TEAD1: variants seen among roughly 807,000 people sequenced by gnomAD.
TEAD1 encodes TEA domain transcription factor 1, also known as transcriptional enhancer factor TEF-1.
TEAD1 carries 9 observed loss-of-function variants against 54.9 expected under a neutral mutation model. The observed-to-expected ratio is 0.16, with a 90% confidence interval of 0.10 to 0.29. The LOEUF is 0.29. Among genes scored for constraint, TEAD1 ranks in the 10% least tolerant of loss-of-function variants. The pLI is 1.00. For synonymous variants in TEAD1, 200 were observed against 187.8 expected, an observed-to-expected ratio of 1.07 and a Z score of -0.53; for missense variants, 387 against 535.9, an observed-to-expected ratio of 0.72 and a Z score of 2.74.
intron 10 of TEAD1, among the ~76,000 whole-genome samples, chr11:12,914,406 C>A (rs527978618): frequency 6.6e-6 from 1 of 152,202 alleles, no homozygotes; most frequent in Non-Finnish European, 1.5e-5. Context: ...TTATTTAAAA[C>A]AGCTGTGGCA....
intron 3 of TEAD1, among the ~76,000 whole-genome samples, chr11:12,798,602 A>G (rs1259342389): frequency 1.3e-5 from 2 of 152,208 alleles, no homozygotes; most frequent in East Asian, 1.9e-4. Flanking sequence ...CGTGGTGGGT[A>G]TGTTTATTTA....
intron 2 of TEAD1, among the ~76,000 whole-genome samples, chr11:12,758,698 G>A (rs1590121617): frequency 1.3e-5 from 2 of 151,968 alleles, no homozygotes; most frequent in East Asian, 1.9e-4. Flanking sequence ...ACAGGCGTGG[G>A]CCACCCTACC....
intron 3 of TEAD1, among the ~76,000 whole-genome samples, chr11:12,832,205 T>C (rs919521083): frequency 2.0e-5 from 3 of 152,238 alleles, no homozygotes; most frequent in Non-Finnish European, 2.9e-5. Flanking sequence ...ATTTGTATCT[T>C]CATAATTTGG....
chr11:12,738,566 G>C (rs1040199651), intron 2 of TEAD1, among the ~76,000 whole-genome samples: 1 of 152,184 alleles, frequency 6.6e-6, no homozygotes, highest in African/African-American at 2.4e-5. Context: ...CTCTGTACAT[G>C]TGTAGATTCT....
chr11:12,847,454 G>A lies in TEAD1; in HGVS notation c.203-14796G>A, dbSNP rs568642457. Among the ~76,000 whole-genome samples, 29 of 142,790 alleles carry A rather than the reference G, an allele frequency of 2.0e-4. No homozygotes were observed. In the Admixed American group the frequency reaches 2.1e-3, roughly 10 times the overall value. 93.7% of individuals were successfully genotyped at this position (142,790 alleles called of 152,430 possible). On this transcript the variant is annotated intron_variant, in intron 3 of 12. Transcript: ENST00000527636. ...AGGAAGTGCCAGCTGCAGAGGCCTG[G>A]CAGCTCAGGAATCATTCATTGTTCA...
chr11:12,845,020 C>T (rs890474440), intron 3 of TEAD1, among the ~76,000 whole-genome samples: 3 of 123,312 alleles, frequency 2.4e-5, no homozygotes, highest in Non-Finnish European at 3.1e-5. Flanking sequence ...GGCTAAAGTG[C>T]AGTGGCGCAA....
chr11:12,885,356 C>T (rs1948066288), intron 9 of TEAD1, among the ~76,000 whole-genome samples: 1 of 151,558 alleles, frequency 6.6e-6, no homozygotes, highest in Non-Finnish European at 1.5e-5. Flanking sequence ...CTGCCTCAGC[C>T]TCCCGAGTAG....
At chr11:12,895,532 A>G (rs1485618325) in intron 9 of TEAD1, among the ~76,000 whole-genome samples, 1 of 152,312 alleles carries the variant, frequency 6.6e-6, no homozygotes, top group East Asian at 1.9e-4. Context: ...AGCTCCTTTA[A>G]AGCCCAAGGA....
In TEAD1 at chr11:12,933,054, G is replaced by T. The variant is rs115453559; in HGVS notation, c.1167+2728G>T. Among the ~76,000 whole-genome samples, 547 of 152,276 alleles carry T rather than the reference G, an allele frequency of 3.6e-3. 3 individuals are homozygous for T. Among genetic ancestry groups the T allele is most frequent in the African/African-American group, 0.012 (517 of 41,578 alleles). On this transcript the variant is annotated intron_variant, in intron 12 of 12. Coordinates refer to ENST00000527636, the MANE Select transcript of TEAD1 (RefSeq NM_021961.6). The stretch of plus-strand genomic sequence containing the variant: ...ATATAGCCTAGGTGTGTAGTAGGCT[G>T]TACCGTCTAGGTCTGAGTAAGTACA...
At chr11:12,814,577 A>G (rs1209219607) in intron 3 of TEAD1, among the ~76,000 whole-genome samples, 1 of 152,284 alleles carries the variant, frequency 6.6e-6, no homozygotes, top group East Asian at 1.9e-4. Flanking sequence ...GGAAGGGAAG[A>G]CCAGATTGGA....
chr11:12,830,767 CGCACATGCACAT>C (rs370162235), intron 3 of TEAD1, among the ~76,000 whole-genome samples: 2 of 149,678 alleles, frequency 1.3e-5, no homozygotes, highest in African/African-American at 4.9e-5. Context: ...TGCACGCACA[CGCACATGCACAT>C]GCACATGCAC....
chr11:12,862,811 G>T (rs1947534483), intron 4 of TEAD1, among the ~76,000 whole-genome samples: 1 of 152,292 alleles, frequency 6.6e-6, no homozygotes, highest in South Asian at 2.1e-4. Context: ...TGCTTTTTAA[G>T]CGATGGCTTT....
chr11:12,855,397 C>G (rs9988894), intron 3 of TEAD1, among the ~76,000 whole-genome samples: 49,600 of 151,946 alleles, frequency 0.33, 8,293 homozygotes, highest in South Asian at 0.44. Context: ...TCAAGCGACT[C>G]TCCTGCCTCA....
At chr11:12,723,847 AG>A (rs1164725757) in intron 2 of TEAD1, among the ~76,000 whole-genome samples, 1 of 152,190 alleles carries the variant, frequency 6.6e-6, no homozygotes, top group Non-Finnish European at 1.5e-5. Context: ...GGTGTGTTTG[AG>A]GGTGTAATCT....
intron 2 of TEAD1, among the ~76,000 whole-genome samples, chr11:12,733,043 G>A (rs2133882087): frequency 6.6e-6 from 1 of 152,268 alleles, no homozygotes; most frequent in South Asian, 2.1e-4. Flanking sequence ...TGGTATGAAG[G>A]CAGCAGCATA....
At chr11:12,824,639 T>A (rs776780338) in intron 3 of TEAD1, among the ~76,000 whole-genome samples, 6 of 152,232 alleles carry the variant, frequency 3.9e-5, no homozygotes, top group Admixed American at 6.5e-5. Flanking sequence ...TGGAGGCTCC[T>A]TGTCTTCCAG....
chr11:12,924,782 G>A (rs1352091401), intron 10 of TEAD1, 130 bp from the exon 11 acceptor site: 2 of 1,136,238 alleles, frequency 1.8e-6, no homozygotes, highest in African/African-American at 3.1e-5. Flanking sequence ...CTTGTTTCTA[G>A]ATGAGCATCA....
At chr11:12,904,628 A>G (rs748312541) in intron 10 of TEAD1, among the ~76,000 whole-genome samples, 2 of 152,180 alleles carry the variant, frequency 1.3e-5, no homozygotes, top group Non-Finnish European at 2.9e-5. Flanking sequence ...TACCTGTCTC[A>G]CTAATTTTTT....
intron 3 of TEAD1, among the ~76,000 whole-genome samples, chr11:12,817,014 AC>A (rs1946430317): frequency 6.6e-6 from 1 of 152,072 alleles, no homozygotes; most frequent in Admixed American, 6.6e-5. Flanking sequence ...AGGTTTATGC[AC>A]ACTGCCCAAT....
Sources: gnomAD v4.1 joint callset for allele counts (sites outside exome capture counted in the v4.1 genomes callset) on GRCh38, gnomAD v4.1.1 for gene constraint, MANE v1.5 for transcripts, NCBI Gene and HGNC (gene_info 2026-07-23, HGNC 2026-07-21) for gene names.